The following DHRS7B variants were observed in gnomAD, a reference collection of about 807,000 sequenced individuals.
DHRS7B encodes dehydrogenase/reductase 7B, also known as peroxisomal reductase activating PPAR-gamma.
A neutral mutation model predicts 26.4 loss-of-function variants in DHRS7B; 24 were observed. The ratio of observed to expected loss-of-function variants is 0.91; its 90% CI spans 0.66 to 1.28. DHRS7B has a LOEUF of 1.28. DHRS7B is among the 50% of genes most tolerant of loss of function. DHRS7B has a pLI of 0.00. For synonymous variants in DHRS7B, 142 were observed against 166.4 expected (o/e 0.85, Z 1.13); for missense variants, 368 against 419.4 (o/e 0.88, Z 1.07).
At chr17:21,141,640 A>AAAAAAAAAAAAAAAACAG in intron 1 of DHRS7B, among the ~76,000 whole-genome samples, 1 of 90,078 alleles carries the variant, frequency 1.1e-5, no homozygotes, top group African/African-American at 4.3e-5. Context: ...AAAAAAAAAA[A>AAAAAAAAAAAAAAAACAG]CAACCTCATC....
At chr17:21,184,642 C>G (rs1455379057) in intron 5 of DHRS7B, among the ~76,000 whole-genome samples, 179 bp downstream of exon 5, 1 of 152,228 alleles carries the variant, frequency 6.6e-6, no homozygotes, top group Non-Finnish European at 1.5e-5. Flanking sequence ...GCTCTACTTT[C>G]TGTCCCCTGT....
chr17:21,171,749 G>A (rs1216380050), intron 1 of DHRS7B: 1 of 574,518 alleles, frequency 1.7e-6, no homozygotes, highest in Non-Finnish European at 3.2e-6. Context: ...CTATGTCCTA[G>A]GCTGAATGGC....
Position 21,181,241 on chromosome 17 carries a change from G to A in DHRS7B, c.310-2353G>A, listed in dbSNP as rs188218169. ...GCTGGGACTACAGGCACATGCCACTGTATTGGGTTAATTTTTTCATTTTTT... is the reference window on the plus strand; with the variant it reads ...GCTGGGACTACAGGCACATGCCACTATATTGGGTTAATTTTTTCATTTTTT... On this transcript the variant is annotated intron_variant, in intron 3 of 6. Transcript: ENST00000395511. 3.0e-4 allele frequency among the ~76,000 whole-genome samples: 45 copies of A among 152,140 alleles called. 1 individual carries two copies. The highest frequency in any genetic ancestry group is 6.8e-3 in the Middle Eastern group (2 of 294).
intron 1 of DHRS7B, chr17:21,168,892 G>C (rs1044749849): frequency 2.0e-6 from 2 of 985,470 alleles, no homozygotes; most frequent in Non-Finnish European, 2.4e-6. Flanking sequence ...TGTACAAGAC[G>C]GTGTGTAGTT....
chr17:21,190,618 G>A (rs547971201), intron 6 of DHRS7B, among the ~76,000 whole-genome samples: 4 of 152,318 alleles, frequency 2.6e-5, no homozygotes, highest in East Asian at 3.9e-4. Context: ...CCCCCACCCC[G>A]GGCTGGCCCT....
intron 1 of DHRS7B, among the ~76,000 whole-genome samples, chr17:21,145,193 G>A (rs1197847240): frequency 2.0e-5 from 3 of 152,040 alleles, no homozygotes; most frequent in Non-Finnish European, 2.9e-5. Context: ...GCATGGTGGC[G>A]GGTGCCTGTA....
chr17:21,189,822 AAC>A (rs1305649116), intron 6 of DHRS7B, among the ~76,000 whole-genome samples: 1 of 152,270 alleles, frequency 6.6e-6, no homozygotes, highest in African/African-American at 2.4e-5. Flanking sequence ...CATTAACAAA[AAC>A]ACAGAACAGA....
At chr17:21,160,337 A>G (rs1973974430) in intron 1 of DHRS7B, among the ~76,000 whole-genome samples, 1 of 152,186 alleles carries the variant, frequency 6.6e-6, no homozygotes, top group Non-Finnish European at 1.5e-5. Flanking sequence ...AGCCTGGGTG[A>G]CAAAGTTAGA....
chr17:21,140,521 C>CAA (rs1691252411), intron 1 of DHRS7B, among the ~76,000 whole-genome samples: 1 of 150,418 alleles, frequency 6.6e-6, no homozygotes, highest in Non-Finnish European at 1.5e-5. Flanking sequence ...CACACACACA[C>CAA]ACACACACAC....
Position 21,178,237 on chromosome 17 carries a change from T to G in DHRS7B, c.204T>G (p.Cys68Trp). The G allele has an allele frequency of 6.2e-7, 1 of 1,614,214 alleles. No individual in the cohort carries two copies. The highest frequency in any genetic ancestry group is 8.5e-7 in the Non-Finnish European group (1 of 1,180,010). ...TGATSGLGKE[C>W]AKVFYAAGAK... The stretch of plus-strand genomic sequence containing the variant: ...GGCTCTTTTCTCTTCCCTTAGAATG[T>G]GCAAAAGTCTTCTATGCTGCGGGTG... The change falls in exon 3 of 7, where the codon TGT becomes TGG. Residue 68 changes from cysteine (C) to tryptophan (W), a missense_variant. Coordinates refer to ENST00000395511, the MANE Select transcript of DHRS7B (RefSeq NM_015510.5).
chr17:21,147,261 G>A (rs1973661743), intron 1 of DHRS7B, among the ~76,000 whole-genome samples: 1 of 152,094 alleles, frequency 6.6e-6, no homozygotes, highest in African/African-American at 2.4e-5. Flanking sequence ...CCTTATATCA[G>A]TGAAGACTCT....
intron 1 of DHRS7B, among the ~76,000 whole-genome samples, chr17:21,171,235 T>C (rs1353452167): frequency 1.3e-5 from 2 of 152,160 alleles, no homozygotes; most frequent in Non-Finnish European, 2.9e-5. Context: ...TGCGGAGGAA[T>C]GGGGGAGGTT....
chr17:21,131,756 G>T (rs1032072862), intron 1 of DHRS7B, among the ~76,000 whole-genome samples: 1 of 152,150 alleles, frequency 6.6e-6, no homozygotes, highest in Non-Finnish European at 1.5e-5. Flanking sequence ...GCTGTACTTA[G>T]CTAGTGTTTT....
At chr17:21,176,965 C>T (rs919184934) in intron 2 of DHRS7B, among the ~76,000 whole-genome samples, 1 of 152,074 alleles carries the variant, frequency 6.6e-6, no homozygotes, top group Non-Finnish European at 1.5e-5. Context: ...CAAGAAGCAA[C>T]GACGCCACCC....
chr17:21,184,341 G>T, intron 4 of DHRS7B, 30 bp from the exon 5 acceptor site: 2 of 1,584,378 alleles, frequency 1.3e-6, no homozygotes, highest in Non-Finnish European at 1.7e-6. Flanking sequence ...GAAGTAGGGC[G>T]CTTGCCTAAG....
intron 1 of DHRS7B, among the ~76,000 whole-genome samples, chr17:21,144,378 A>G (rs1452943447): frequency 1.3e-5 from 2 of 152,224 alleles, no homozygotes; most frequent in African/African-American, 2.4e-5. Context: ...TTTACTCCAA[A>G]TAAGTTGCTC....
Position 21,161,720 on chromosome 17 carries a change from C to T in DHRS7B, c.21-10298C>T, listed in dbSNP as rs1430681231. 2.0e-5 allele frequency among the ~76,000 whole-genome samples: 3 copies of T among 152,180 alleles called. No individual in the cohort carries two copies. In the South Asian group the frequency reaches 6.2e-4, roughly 31 times the overall value. On this transcript the variant is annotated intron_variant, in intron 1 of 6. Transcript: ENST00000395511. The stretch of plus-strand genomic sequence containing the variant: ...ACTGTATGACTGTCCGAAAGAGACA[C>T]AGCCGTGTCCTCAGGAAATATTTGC...
intron 1 of DHRS7B, among the ~76,000 whole-genome samples, chr17:21,156,911 C>CAAAA: frequency 7.2e-6 from 1 of 139,556 alleles, no homozygotes; most frequent in Non-Finnish European, 1.5e-5. Flanking sequence ...AATTCTGTCT[C>CAAAA]AAAAAAAAAA....
intron 1 of DHRS7B, among the ~76,000 whole-genome samples, chr17:21,143,797 A>G (rs1452571399): frequency 6.6e-6 from 1 of 152,236 alleles, no homozygotes; most frequent in Non-Finnish European, 1.5e-5. Flanking sequence ...CGGGGTAGCA[A>G]TTGGGGTGCT....
Sources: allele counts gnomAD v4.1 joint callset (sites outside exome capture counted in the v4.1 genomes callset), GRCh38; gene constraint gnomAD v4.1.1; transcripts MANE v1.5; gene names NCBI Gene and HGNC (gene_info 2026-07-23, HGNC 2026-07-21).